The following NAF1 variants were observed in gnomAD, a reference collection of about 807,000 sequenced individuals.
NAF1 encodes the protein nuclear assembly factor 1 ribonucleoprotein, also known as H/ACA ribonucleoprotein complex non-core subunit NAF1.
A neutral mutation model predicts 40.6 loss-of-function variants in NAF1; 11 were observed. The observed-to-expected ratio is 0.27, with a 90% confidence interval of 0.17 to 0.45. The LOEUF (loss-of-function observed/expected upper bound fraction) is 0.45. NAF1 is among the 20% of genes least tolerant of loss of function. NAF1 has a pLI of 1.00. For missense variants in NAF1, 607 were observed against 611.1 expected, an observed-to-expected ratio of 0.99 and a Z score of 0.07; for synonymous variants, 260 against 228.5, an observed-to-expected ratio of 1.14 and a Z score of -1.24.
Position 163,140,304 on chromosome 4 carries a change from C to A in NAF1, c.797G>T (p.Gly266Val), listed in dbSNP as rs751378645. 1.9e-6 allele frequency: 3 copies of A among 1,608,734 alleles called. No homozygotes were observed. The highest frequency in any genetic ancestry group is 1.3e-5 in the African/African-American group (1 of 74,824). Reference protein sequence around the residue: ...FNSSDHIESKGIKIKETMYFA... With the variant: ...FNSSDHIESKVIKIKETMYFA... ...ATACATAGTCTCCTTTATTTTAATA[C>A]CTTTACTCTCAATGTGATCTGAAGA... The change falls in exon 5 of 8, where the codon GGT (glycine) becomes GTT (valine). Residue 266 changes from glycine to valine, a missense_variant. Physicochemically the swap from Gly to Val is moderately radical, Grantham distance 109 (BLOSUM62 -3). Coordinates refer to ENST00000274054, the MANE Select transcript of NAF1 (RefSeq NM_138386.3).
At chr4:163,138,671 C>T (rs1731147799) in intron 5 of NAF1, among the ~76,000 whole-genome samples, 1 of 152,054 alleles carries the variant, frequency 6.6e-6, no homozygotes, top group African/African-American at 2.4e-5. Context: ...GAGGTTTCTG[C>T]AATATAGGTC....
chr4:163,133,121 T>TA, intron 7 of NAF1, 33 bp downstream of exon 7: 1 of 1,509,832 alleles, frequency 6.6e-7, no homozygotes. Context: ...TAAATGAAGA[T>TA]AAAGAACGAG....
chr4:163,150,909 T>A (rs1314170056), intron 2 of NAF1, among the ~76,000 whole-genome samples: 2 of 152,078 alleles, frequency 1.3e-5, no homozygotes, highest in Non-Finnish European at 2.9e-5. Context: ...CCCACAACCT[T>A]GCCATTACTG....
intron 2 of NAF1, among the ~76,000 whole-genome samples, chr4:163,121,612 C>G (rs934720994): frequency 1.3e-5 from 2 of 152,156 alleles, no homozygotes; most frequent in Non-Finnish European, 2.9e-5. Context: ...CATGAAACGT[C>G]AGACTGAATA....
intron 2 of NAF1, among the ~76,000 whole-genome samples, chr4:163,152,843 G>C (rs1416347207): frequency 6.6e-6 from 1 of 152,230 alleles, no homozygotes; most frequent in Non-Finnish European, 1.5e-5. Context: ...GAGAGGTGTG[G>C]AGGGAGAGGC....
chr4:163,153,168 C>G (rs1731799329), intron 2 of NAF1, among the ~76,000 whole-genome samples: 2 of 152,238 alleles, frequency 1.3e-5, no homozygotes, highest in South Asian at 4.1e-4. Context: ...GCCTCCCGGA[C>G]GAATACCACC....
At position 163,129,139 on chromosome 4, in the gene NAF1, T is replaced by G; in HGVS notation, c.1243A>C (p.Asn415His). Residue 415 changes from asparagine (N) to histidine (H), a missense_variant, in exon 8 of 8, where the codon AAT (asparagine) becomes CAT (histidine). This residue lies in a region of NAF1 where 189 missense variants were observed against 216.6 expected (regional missense o/e 0.87). Coordinates refer to ENST00000274054, the MANE Select transcript of NAF1 (RefSeq NM_138386.3). ...GGGTATTGTGGCATAATGGGATTAT[T>G]TTGTCTCTGAGAAGGAAATCCTGAA... is the stretch of plus-strand genomic sequence containing the variant. ...ETSGFPSQRQNNPIMPQYPFP... is the reference protein window; with the variant it reads ...ETSGFPSQRQHNPIMPQYPFP... 1.2e-6 allele frequency: 2 copies of G among 1,613,912 alleles called. No individual in the cohort carries two copies.
chr4:163,133,360 C>CT (rs1186728544), intron 6 of NAF1, 104 bp from the exon 7 acceptor site: 3 of 756,234 alleles, frequency 4.0e-6, no homozygotes, highest in Admixed American at 5.7e-5. Flanking sequence ...ATCAATGACT[C>CT]TAAAAAAAGT....
In NAF1 at chr4:163,133,347, T is replaced by A; in HGVS notation, c.931-91A>T. ...GGAGGTGAAGAAAATAAGCCTATTA[T>A]GCATCAATGACTCTAAAAAAAGTTG... On this transcript the variant is annotated intron_variant, in intron 6 of 7. Transcript: ENST00000274054. The A allele has an allele frequency of 5.7e-6, 5 of 882,778 alleles. No individual in the cohort carries two copies. In the South Asian group the frequency reaches 8.4e-5, roughly 15 times the overall value. 54.7% of individuals were successfully genotyped at this position (882,778 alleles called of 1,614,324 possible).
chr4:163,131,581 T>A (rs1000905728), intron 7 of NAF1, among the ~76,000 whole-genome samples: 4 of 152,158 alleles, frequency 2.6e-5, no homozygotes, highest in Non-Finnish European at 5.9e-5. Context: ...CTATACAAAA[T>A]TTAACTCAAA....
In NAF1 at chr4:163,156,108, A is replaced by G. The variant is rs1338579089; in HGVS notation, c.541-7674T>C. On this transcript the variant is annotated intron_variant, in intron 2 of 7. Coordinates refer to ENST00000274054, the MANE Select transcript of NAF1 (RefSeq NM_138386.3). ...AAAGAATGATGAGTAGATAGGAAAG[A>G]CTTTTTGTTTTATTTACTCAATATT... is the stretch of plus-strand genomic sequence containing the variant. Among the ~76,000 whole-genome samples, 3 of 119,562 alleles carry G rather than the reference A, an allele frequency of 2.5e-5. 1 individual carries two copies. The highest frequency in any genetic ancestry group is 5.5e-5 in the Non-Finnish European group (3 of 54,914). The allele number at this position is 119,562 out of a possible 152,430, so 78.4% of individuals were successfully genotyped here.
chr4:163,151,014 C>T (rs1470995997), intron 2 of NAF1, among the ~76,000 whole-genome samples: 1 of 151,886 alleles, frequency 6.6e-6, no homozygotes, highest in East Asian at 1.9e-4. Context: ...AGTGAACATC[C>T]TTGCATGTAT....
At chr4:163,163,734 G>A (rs1169543450) in intron 2 of NAF1, among the ~76,000 whole-genome samples, 1 of 151,908 alleles carries the variant, frequency 6.6e-6, no homozygotes, top group East Asian at 1.9e-4. Context: ...ACTTCAATAG[G>A]AATCCTAACA....
At chr4:163,151,929 A>G (rs1205639258) in intron 2 of NAF1, among the ~76,000 whole-genome samples, 2 of 152,178 alleles carry the variant, frequency 1.3e-5, no homozygotes, top group Non-Finnish European at 2.9e-5. Context: ...GACCCTTTAT[A>G]GGGTATTGCT....
At chr4:163,126,112 G>A (rs555485315), downstream of NAF1, among the ~76,000 whole-genome samples, 17 of 152,324 alleles carry the variant, frequency 1.1e-4, no homozygotes, top group African/African-American at 3.8e-4. Context: ...TGTACAAGGA[G>A]TTGAATTTTT....
chr4:163,129,792 C>G (rs112123754), intron 7 of NAF1, among the ~76,000 whole-genome samples: 2,867 of 152,226 alleles, frequency 0.019, 105 homozygotes, highest in African/African-American at 0.064. Flanking sequence ...CCTCCACTGG[C>G]GGCAACCCAG....
chr4:163,116,461 G>A (rs1730341416), intron 2 of NAF1, among the ~76,000 whole-genome samples: 1 of 152,160 alleles, frequency 6.6e-6, no homozygotes, highest in Non-Finnish European at 1.5e-5. Context: ...TATGCAGTTA[G>A]TTTCTAGCAG....
At chr4:163,163,835 A>C (rs1346368266) in intron 2 of NAF1, among the ~76,000 whole-genome samples, 1 of 152,158 alleles carries the variant, frequency 6.6e-6, no homozygotes, top group African/African-American at 2.4e-5. Context: ...TGACGTGCAG[A>C]CCAAAAAAAT....
At chr4:163,110,237 C>T (rs779439412) in exon 3 of NAF1, 1 of 700,020 alleles carries the variant, frequency 1.4e-6, no homozygotes, top group South Asian at 1.5e-5. Context: ...AGTACTCTCC[C>T]CTCATCTGTG....
Sources: gnomAD v4.1 joint callset for allele counts (sites outside exome capture counted in the v4.1 genomes callset) on GRCh38, gnomAD v4.1.1 for gene constraint, gnomAD v4.1.1 regional missense constraint, MANE v1.5 for transcripts, NCBI Gene and HGNC (gene_info 2026-07-23, HGNC 2026-07-21) for gene names.